The following ZFP1 variants were observed in gnomAD, a reference collection of about 807,000 sequenced individuals.
The protein encoded by ZFP1 is ZFP1 zinc finger protein, also known as zinc finger protein 1 homolog.
A neutral mutation model predicts 38.5 loss-of-function variants in ZFP1; 32 were observed. That is an observed-to-expected ratio of 0.83 (90% CI 0.63 to 1.12). The LOEUF (loss-of-function observed/expected upper bound fraction) is 1.12, where lower values mean the gene tolerates loss of function less well. ZFP1 is among the 50% of genes most tolerant of loss of function. The pLI is 0.00. For missense variants in ZFP1, 616 were observed against 480.8 expected (o/e 1.28, Z -2.63); for synonymous variants, 245 against 168.8 (o/e 1.45, Z -3.50).
At position 75,169,418 on chromosome 16, in the gene ZFP1, C is replaced by A. The variant is rs2145585797; in HGVS notation, c.308C>A (p.Pro103His). 6.2e-7 allele frequency: 1 copy of A among 1,613,654 alleles called. No homozygotes were observed. The highest frequency in any genetic ancestry group is 8.5e-7 in the Non-Finnish European group (1 of 1,179,906). Residue 103 changes from proline to histidine, a missense_variant, in exon 4 of 4, where the codon CCT (proline) becomes CAT (histidine). By Grantham distance (77) the Pro-to-His change is moderately conservative. Coordinates refer to ENST00000570010, the MANE Select transcript of ZFP1 (RefSeq NM_153688.4). The part of the protein sequence containing the change: ...NTDFVSLRQV[P>H]YKYDLYEKTL... Reference sequence around the variant, plus strand: ...GACTTTGTTTCTTTAAGACAAGTACCTTATAAATATGACTTATATGAAAAA... The same window carrying A: ...GACTTTGTTTCTTTAAGACAAGTACATTATAAATATGACTTATATGAAAAA...
the ZFP1 span, among the ~76,000 whole-genome samples, chr16:75,141,742 T>TAAA: frequency 2.1e-5 from 3 of 144,328 alleles, no homozygotes; most frequent in African/African-American, 7.5e-5. Context: ...CAAATTAATT[T>TAAA]AAAAAAAAAA....
Position 75,169,559 on chromosome 16 carries a change from A to G in ZFP1, c.449A>G (p.His150Arg), listed in dbSNP as rs766819396. The change falls in exon 4 of 4, where the codon CAC becomes CGC. Residue 150 changes from histidine to arginine, a missense_variant. His to Arg is a conservative substitution (Grantham distance 29). Coordinates refer to ENST00000570010, the MANE Select transcript of ZFP1 (RefSeq NM_153688.4). ...ALLYLKQEKT[H>R]SGVEYSEYNK... is the part of the protein sequence containing the mutation. ...CTCTACCTGAAGCAAGAGAAAACCCACAGTGGAGTAGAATATTCTGAATAC... is the reference window on the plus strand; with the variant it reads ...CTCTACCTGAAGCAAGAGAAAACCCGCAGTGGAGTAGAATATTCTGAATAC... 1.1e-5 allele frequency: 18 copies of G among 1,611,146 alleles called. No homozygotes were observed. The highest frequency in any genetic ancestry group is 1.5e-5 in the Non-Finnish European group (18 of 1,179,390).
chr16:75,165,102 G>A (rs1381141860), intron 2 of ZFP1, among the ~76,000 whole-genome samples: 1 of 151,980 alleles, frequency 6.6e-6, no homozygotes, highest in Non-Finnish European at 1.5e-5. Context: ...ATCGCGCCCG[G>A]CCTCCATAAA....
Position 75,154,178 on chromosome 16 carries a change from C to T in ZFP1, c.15+1212C>T, listed in dbSNP as rs541445681. Among the ~76,000 whole-genome samples the T allele has an allele frequency of 6.1e-4, 92 of 151,710 alleles. 1 individual carries two copies. Among genetic ancestry groups the T allele is most frequent in the African/African-American group, 2.0e-3 (81 of 41,322 alleles). Reference sequence around the variant, plus strand: ...GGCGGAGCTTGCAGTGAGCTGAGATCGCGCCACTGAACTCCAGCCTGGGCA... The same window carrying T: ...GGCGGAGCTTGCAGTGAGCTGAGATTGCGCCACTGAACTCCAGCCTGGGCA... On this transcript the variant is annotated intron_variant, in intron 2 of 3. Coordinates refer to ENST00000570010, the MANE Select transcript of ZFP1 (RefSeq NM_153688.4).
intron 2 of ZFP1, among the ~76,000 whole-genome samples, chr16:75,162,663 C>G (rs894537806): frequency 1.3e-5 from 2 of 152,132 alleles, no homozygotes; most frequent in African/African-American, 2.4e-5. Context: ...GCCTTTGCCC[C>G]TCCCTTCCCT....
At chr16:75,120,778 T>C in the ZFP1 span, among the ~76,000 whole-genome samples, 1 of 151,550 alleles carries the variant, frequency 6.6e-6, no homozygotes, top group Non-Finnish European at 1.5e-5. Flanking sequence ...TTTGTTTGTT[T>C]GTTTGTTTGT....
intron 3 of ZFP1, among the ~76,000 whole-genome samples, chr16:75,167,898 A>T (rs2038185698): frequency 6.6e-6 from 1 of 152,188 alleles, no homozygotes; most frequent in African/African-American, 2.4e-5. Context: ...GTTCAATACC[A>T]GCACCAACAA....
intron 2 of ZFP1, among the ~76,000 whole-genome samples, chr16:75,159,656 T>A (rs2037665858): frequency 1.3e-5 from 2 of 152,022 alleles, no homozygotes; most frequent in African/African-American, 4.8e-5. Flanking sequence ...TCCACCTGCC[T>A]CAGCCTCCCA....
intron 2 of ZFP1, among the ~76,000 whole-genome samples, chr16:75,158,660 G>A (rs1021945398): frequency 6.8e-6 from 1 of 148,074 alleles, no homozygotes; most frequent in Non-Finnish European, 1.5e-5. Flanking sequence ...AGGCATAGGT[G>A]AATTTCAGTG....
In ZFP1 at chr16:75,153,906, C is replaced by G. The variant is rs897006217; in HGVS notation, c.15+940C>G. Among the ~76,000 whole-genome samples, 7 of 152,196 alleles carry G rather than the reference C, an allele frequency of 4.6e-5. No homozygotes were observed. The South Asian group carries it at 1.4e-3, about 31-fold the overall frequency. On this transcript the variant is annotated intron_variant, in intron 2 of 3. Coordinates refer to ENST00000570010, the MANE Select transcript of ZFP1 (RefSeq NM_153688.4). Reference sequence around the variant, plus strand: ...CTGATCTTTCTACTGTCTCATCTCCCTAGTCGTGTCTTTTCTAGAATGTCA... The same window carrying G: ...CTGATCTTTCTACTGTCTCATCTCCGTAGTCGTGTCTTTTCTAGAATGTCA...
At chr16:75,144,558 A>C (rs536136433), upstream of ZFP1, among the ~76,000 whole-genome samples, 28 of 152,330 alleles carry the variant, frequency 1.8e-4, no homozygotes, top group Non-Finnish European at 3.2e-4. Context: ...TATAATTTTT[A>C]AATGTTGGTA....
At chr16:75,141,195 C>CTTTTTTTTT in the ZFP1 span, among the ~76,000 whole-genome samples, 1 of 67,900 alleles carries the variant, frequency 1.5e-5, no homozygotes, top group Non-Finnish European at 2.6e-5. Context: ...TTGGGTCATT[C>CTTTTTTTTT]TTTTTTTTTT....
At chr16:75,139,223 G>T in the ZFP1 span, among the ~76,000 whole-genome samples, 183 of 151,982 alleles carry the variant, frequency 1.2e-3, 1 homozygote, top group South Asian at 8.8e-3. Context: ...CAAAAAATTA[G>T]CCAGGTGTGG....
chr16:75,168,916 C>G (rs751510364), intron 3 of ZFP1, among the ~76,000 whole-genome samples: 3 of 152,174 alleles, frequency 2.0e-5, no homozygotes, highest in Non-Finnish European at 4.4e-5. Context: ...CTTAAGAACA[C>G]TGTGAATCTC....
At chr16:75,153,450 G>T (rs910730388) in intron 2 of ZFP1, among the ~76,000 whole-genome samples, 1 of 152,044 alleles carries the variant, frequency 6.6e-6, no homozygotes, top group Non-Finnish European at 1.5e-5. Context: ...GAGCTTATTT[G>T]TACATAATTA....
intron 1 of ZFP1, among the ~76,000 whole-genome samples, chr16:75,152,237 G>T (rs1451296118): frequency 6.6e-6 from 1 of 152,042 alleles, no homozygotes; most frequent in African/African-American, 2.4e-5. Context: ...GAGTTTCTTG[G>T]ACCTGTGGTT....
intron 1 of ZFP1, among the ~76,000 whole-genome samples, chr16:75,150,887 C>T (rs188769902): frequency 6.6e-6 from 1 of 152,134 alleles, no homozygotes; most frequent in Non-Finnish European, 1.5e-5. Context: ...TGCAGTGGTT[C>T]AGTCACAGCT....
At chr16:75,123,147 A>T in the ZFP1 span, among the ~76,000 whole-genome samples, 5 of 151,820 alleles carry the variant, frequency 3.3e-5, no homozygotes, top group Non-Finnish European at 5.9e-5. Context: ...TGAGGTCAGA[A>T]GTTTGAGACC....
At chr16:75,127,375 G>A in the ZFP1 span, among the ~76,000 whole-genome samples, 268 of 151,674 alleles carry the variant, frequency 1.8e-3, no homozygotes, top group African/African-American at 5.8e-3. Flanking sequence ...CGGCCTGGGC[G>A]ACAGAGCAAG....
Sources: gnomAD v4.1 joint callset for allele counts (sites outside exome capture counted in the v4.1 genomes callset) on GRCh38, gnomAD v4.1.1 for gene constraint, MANE v1.5 for transcripts, NCBI Gene and HGNC (gene_info 2026-07-23, HGNC 2026-07-21) for gene names.